Variants in BLOC1S6 observed in about 807,000 individuals in gnomAD.
BLOC1S6 encodes the protein biogenesis of lysosome-related organelles complex 1 subunit 6.
In BLOC1S6, 24 loss-of-function variants were observed where a neutral mutation model predicts 24.7. That is an observed-to-expected ratio of 0.97 (90% CI 0.70 to 1.37). The LOEUF is 1.37. Ranked by LOEUF, BLOC1S6 falls within the 40% of genes most tolerant of loss-of-function variation. BLOC1S6 has a pLI of 0.00. For missense variants in BLOC1S6, 175 were observed against 196.2 expected (o/e 0.89, Z 0.64); for synonymous variants, 76 against 72.6 (o/e 1.05, Z -0.23).
rs775671194 is a variant in BLOC1S6, at chr15:45,592,257, C to G, written c.205C>G (p.Gln69Glu). 2.9e-5 allele frequency: 46 copies of G among 1,613,894 alleles called. No homozygotes were observed. The South Asian group carries it at 4.8e-4, about 17-fold the overall frequency. Residue 69 changes from glutamine to glutamate, a missense_variant, in exon 2 of 5, where the codon CAA (glutamine) becomes GAA (glutamate). By Grantham distance (29) the Gln-to-Glu change is conservative. Transcript: ENST00000220531. ...HYLPDLQRSK[Q>E]ALQELTQNQV... ...TTTGCCAGATCTGCAGAGATCAAAA[C>G]AAGCCCTCCAGGAACTCACGTAAGC...
In BLOC1S6 at chr15:45,592,360, T is replaced by C. The variant is rs548025632; in HGVS notation, c.224+84T>C. On this transcript the variant is annotated intron_variant, in intron 2 of 4. Coordinates refer to ENST00000220531, the MANE Select transcript of BLOC1S6 (RefSeq NM_012388.4). ...TATAATTGTATACTGTGTTAAGACATAATATTTTTTAACATGCAATTATAA... is the reference window on the plus strand; with the variant it reads ...TATAATTGTATACTGTGTTAAGACACAATATTTTTTAACATGCAATTATAA... 6.1e-5 allele frequency: 91 copies of C among 1,498,908 alleles called. No homozygotes were observed. In the South Asian group the frequency reaches 9.6e-4, roughly 16 times the overall value. The allele number at this position is 1,498,908 out of a possible 1,614,324, so 92.9% of individuals were successfully genotyped here. A position where few individuals can be genotyped will look rare whatever the true frequency, so the allele number is the denominator to read the frequency against.
At chr15:45,587,817 C>T (rs1893738321) in intron 1 of BLOC1S6, 2 of 698,086 alleles carry the variant, frequency 2.9e-6, no homozygotes, top group Non-Finnish European at 5.2e-6. Context: ...GGTTATTTGT[C>T]ATACGGCAGT....
At chr15:45,605,579 T>C in intron 4 of BLOC1S6, 65 bp downstream of exon 4, 3 of 1,310,354 alleles carry the variant, frequency 2.3e-6, no homozygotes, top group Non-Finnish European at 3.2e-6. Context: ...TGTTGTTTTT[T>C]TTTTTTTTCA....
intron 2 of BLOC1S6, among the ~76,000 whole-genome samples, chr15:45,597,222 A>T (rs1222062649): frequency 6.6e-6 from 1 of 152,168 alleles, no homozygotes; most frequent in East Asian, 1.9e-4. Flanking sequence ...GATGCTGGTA[A>T]TCCAAGCACT....
rs1894486823 is a variant in BLOC1S6, at chr15:45,606,899, G to T, written c.*385G>T. The T allele has an allele frequency of 4.9e-6, 1 of 202,614 alleles. No homozygotes were observed. Among genetic ancestry groups the T allele is most frequent in the South Asian group, 8.7e-5 (1 of 11,462 alleles). 12.6% of individuals were successfully genotyped at this position (202,614 alleles called of 1,614,324 possible). A position where few individuals can be genotyped will look rare whatever the true frequency, so the allele number is the denominator to read the frequency against. On this transcript the variant is annotated 3_prime_UTR_variant, in exon 5 of 5. Coordinates refer to ENST00000220531, the MANE Select transcript of BLOC1S6 (RefSeq NM_012388.4). Reference sequence around the variant, plus strand: ...TTTTATGAAATGACTTGCCTTTCTGGTAATACAATGCTGATTTTTTAGTAA... The same window carrying T: ...TTTTATGAAATGACTTGCCTTTCTGTTAATACAATGCTGATTTTTTAGTAA...
chr15:45,590,357 T>C (rs1285343831), intron 1 of BLOC1S6, among the ~76,000 whole-genome samples: 1 of 152,028 alleles, frequency 6.6e-6, no homozygotes, highest in Non-Finnish European at 1.5e-5. Flanking sequence ...AATTTTATTT[T>C]GATTTTCAAA....
At chr15:45,603,221 A>G (rs1894331315) in intron 3 of BLOC1S6, 34 bp downstream of exon 3, 1 of 1,407,438 alleles carries the variant, frequency 7.1e-7, no homozygotes, top group Non-Finnish European at 1.0e-6. Flanking sequence ...ATTTAATGAC[A>G]TCTTGTCTTA....
chr15:45,596,410 C>T (rs950319673), intron 2 of BLOC1S6, among the ~76,000 whole-genome samples: 2 of 151,206 alleles, frequency 1.3e-5, no homozygotes, highest in Non-Finnish European at 2.9e-5. Context: ...ATTGCCCTGG[C>T]TGGTCTTGAA....
chr15:45,594,593 C>G (rs371984031), intron 2 of BLOC1S6, among the ~76,000 whole-genome samples: 19 of 152,086 alleles, frequency 1.2e-4, no homozygotes, highest in African/African-American at 4.6e-4. Context: ...GAACTTTCTC[C>G]CTTTTTTTGA....
intron 2 of BLOC1S6, among the ~76,000 whole-genome samples, chr15:45,600,031 G>T (rs1051123202): frequency 6.8e-4 from 103 of 151,128 alleles, no homozygotes; most frequent in African/African-American, 2.5e-3. Context: ...GTCCTTTGTA[G>T]GGACATGGAT....
At chr15:45,597,437 G>A (rs780195142) in intron 2 of BLOC1S6, among the ~76,000 whole-genome samples, 3 of 152,132 alleles carry the variant, frequency 2.0e-5, no homozygotes, top group East Asian at 1.9e-4. Context: ...TGATCATGCC[G>A]CTGCAGTCCA....
rs1894479861 is a variant in BLOC1S6, at chr15:45,606,699, T to G, written c.*185T>G. ...CGTCATGTTGCATGGTTTTTGATAT[T>G]TATATGTAAGTTTTTCAAATTTTGC... On this transcript the variant is annotated 3_prime_UTR_variant, in exon 5 of 5. Transcript: ENST00000220531. 1.4e-6 allele frequency: 1 copy of G among 705,806 alleles called. No individual in the cohort carries two copies. Among genetic ancestry groups the G allele is most frequent in the South Asian group, 2.4e-5 (1 of 42,236 alleles). 43.7% of individuals were successfully genotyped at this position (705,806 alleles called of 1,614,324 possible).
Position 45,590,408 on chromosome 15 carries a change from CTTT to C in BLOC1S6, c.83-1712_83-1710del, listed in dbSNP as rs34886686. ...ATGATAGCATGTTGTTTTCCTCAAT[CTTT>C]TTTTTTTTTTTTTTGAGGCAGAGTC... On this transcript the variant is annotated intron_variant, in intron 1 of 4. Coordinates refer to ENST00000220531, the MANE Select transcript of BLOC1S6 (RefSeq NM_012388.4). 3.9e-4 allele frequency among the ~76,000 whole-genome samples: 53 copies of C among 136,108 alleles called. 1 individual carries two copies. The highest frequency in any genetic ancestry group is 2.3e-3 in the South Asian group (10 of 4,286). 89.3% of individuals were successfully genotyped at this position (136,108 alleles called of 152,430 possible).
chr15:45,606,163 T>C (rs1466337271), intron 4 of BLOC1S6, among the ~76,000 whole-genome samples: 2 of 152,214 alleles, frequency 1.3e-5, no homozygotes, highest in Non-Finnish European at 2.9e-5. Context: ...ATAGCTGGGC[T>C]GATAGGCTTA....
intron 2 of BLOC1S6, among the ~76,000 whole-genome samples, chr15:45,595,109 G>A (rs948657482): frequency 4.6e-5 from 7 of 152,106 alleles, no homozygotes; most frequent in South Asian, 2.1e-4. Flanking sequence ...CTTGGTGTTC[G>A]AGGCTGCAGT....
rs1422065733 is a variant in BLOC1S6 at position 45,588,730 on chromosome 15, G to T, written c.82+1205G>T. On this transcript the variant is annotated intron_variant, in intron 1 of 4. Coordinates refer to ENST00000220531, the MANE Select transcript of BLOC1S6 (RefSeq NM_012388.4). ...AACAAAGGTCCAAACCATTAACTTGGCATTTAGAGGCCCTTACTGGCCTTC... is the reference window on the plus strand; with the variant it reads ...AACAAAGGTCCAAACCATTAACTTGTCATTTAGAGGCCCTTACTGGCCTTC... Among the ~76,000 whole-genome samples, 3 of 152,154 alleles carry T rather than the reference G, an allele frequency of 2.0e-5. 1 individual carries two copies. The highest frequency in any genetic ancestry group is 4.4e-5 in the Non-Finnish European group (3 of 68,024).
At chr15:45,600,169 TG>T (rs1894219795) in intron 2 of BLOC1S6, among the ~76,000 whole-genome samples, 1 of 97,686 alleles carries the variant, frequency 1.0e-5, no homozygotes, top group East Asian at 3.2e-4. Context: ...TATCACACTC[TG>T]GGGACTGTGG....
intron 1 of BLOC1S6, among the ~76,000 whole-genome samples, chr15:45,591,115 C>A (rs1231074022): frequency 6.6e-6 from 1 of 152,154 alleles, no homozygotes; most frequent in African/African-American, 2.4e-5. Context: ...GATTTATACA[C>A]AAGACAATGA....
Position 45,606,727 on chromosome 15 carries a change from A to T in BLOC1S6, c.*213A>T. ...TATGTAAGTTTTTCAAATTTTGCTT[A>T]ATTTTAAAATTTATTATTTTGATCT... On this transcript the variant is annotated 3_prime_UTR_variant, in exon 5 of 5. Coordinates refer to ENST00000220531, the MANE Select transcript of BLOC1S6 (RefSeq NM_012388.4). The T allele has an allele frequency of 1.8e-6, 1 of 571,342 alleles. No individual in the cohort carries two copies. The highest frequency in any genetic ancestry group is 2.8e-5 in the South Asian group (1 of 36,342). The allele number at this position is 571,342 out of a possible 1,614,324, so 35.4% of individuals were successfully genotyped here.
Sources: allele counts gnomAD v4.1 joint callset (sites outside exome capture counted in the v4.1 genomes callset), GRCh38; gene constraint gnomAD v4.1.1; transcripts MANE v1.5; gene names NCBI Gene and HGNC (gene_info 2026-07-23, HGNC 2026-07-21).